The following SLC37A2 variants were observed in gnomAD, a reference collection of about 807,000 sequenced individuals.
The protein encoded by SLC37A2 is solute carrier family 37 member 2, also known as glucose-6-phosphate exchanger SLC37A2.
A neutral mutation model predicts 70.7 loss-of-function variants in SLC37A2; 59 were observed. The ratio of observed to expected loss-of-function variants is 0.83; its 90% CI spans 0.68 to 1.04. The LOEUF is 1.04. Ranked by LOEUF, SLC37A2 falls within the 50% of genes least tolerant of loss-of-function variation. SLC37A2 has a pLI of 0.00. For missense variants in SLC37A2, 580 were observed against 658.1 expected (o/e 0.88, Z 1.30); for synonymous variants, 257 against 262.1 (o/e 0.98, Z 0.19).
chr11:125,085,795 T>C (rs1410306245), intron 16 of SLC37A2, 121 bp downstream of exon 16: 1 of 1,275,452 alleles, frequency 7.8e-7, no homozygotes, highest in Non-Finnish European at 1.1e-6. Flanking sequence ...AGCTGCCCTT[T>C]GCTCAGAAGC....
rs989075499 is a variant in SLC37A2, at chr11:125,089,114, A to G, written c.*980A>G. ...GGTGCCATCTGCTGCTCCCTTTTCC[A>G]CTTTTCTATGTCCTCCTTCCACCCC... On this transcript the variant is annotated 3_prime_UTR_variant, in exon 18 of 18. Transcript: ENST00000403796. 1 of 152,188 alleles carries G rather than the reference A, an allele frequency of 6.6e-6. No homozygotes were observed. The highest frequency in any genetic ancestry group is 1.5e-5 in the Non-Finnish European group (1 of 68,070). 9.4% of individuals were successfully genotyped at this position (152,188 alleles called of 1,614,324 possible). A position where few individuals can be genotyped will look rare whatever the true frequency, so the allele number is the denominator to read the frequency against.
At position 125,088,114 on chromosome 11, in the gene SLC37A2, T is replaced by A. The variant is rs1384442785; in HGVS notation, c.1491-5T>A. 1.3e-6 allele frequency: 2 copies of A among 1,551,732 alleles called. No individual in the cohort carries two copies. The highest frequency in any genetic ancestry group is 2.7e-5 in the African/African-American group (2 of 72,946). On this transcript the variant is annotated splice_polypyrimidine_tract_variant and splice_region_variant and intron_variant, in intron 17 of 17. Coordinates refer to ENST00000403796, the MANE Select transcript of SLC37A2 (RefSeq NM_001145290.2). ...TCTTCTGTCCCCCCTCTCCTCTTCA[T>A]GCAGGTATAAAGAAATATGAGGCCC...
At chr11:125,068,128 T>G (rs761666669) in intron 1 of SLC37A2, among the ~76,000 whole-genome samples, 1 of 152,196 alleles carries the variant, frequency 6.6e-6, no homozygotes, top group East Asian at 1.9e-4. Flanking sequence ...TTCACACTTC[T>G]CAAGGTGTGA....
chr11:125,069,850 T>G (rs1384176982), intron 1 of SLC37A2, among the ~76,000 whole-genome samples: 1 of 152,242 alleles, frequency 6.6e-6, no homozygotes, highest in Non-Finnish European at 1.5e-5. Flanking sequence ...TGTTAGGCCT[T>G]CCTCGTCAGG....
intron 1 of SLC37A2, among the ~76,000 whole-genome samples, chr11:125,065,280 A>G (rs6590123): frequency 0.15 from 22,691 of 152,262 alleles, 1,881 homozygotes; most frequent in Non-Finnish European, 0.17. Context: ...TGATCACAAA[A>G]TAAAGCTGAT....
At chr11:125,084,951 G>A in intron 13 of SLC37A2, 78 bp downstream of exon 13, 1 of 1,599,330 alleles carries the variant, frequency 6.3e-7, no homozygotes, top group Non-Finnish European at 8.6e-7. Context: ...GGCCCACGGG[G>A]GGCACTGACA....
rs916360344 is a variant in SLC37A2 at position 125,067,537 on chromosome 11, C to T, written c.59+4111C>T. On this transcript the variant is annotated intron_variant, in intron 1 of 17. Coordinates refer to ENST00000403796, the MANE Select transcript of SLC37A2 (RefSeq NM_001145290.2). Reference sequence around the variant, plus strand: ...TCTCTTCTGACTTGACAATTATTTCCAAGCAATTGATCAATATTAACATAT... The same window carrying T: ...TCTCTTCTGACTTGACAATTATTTCTAAGCAATTGATCAATATTAACATAT... Among the ~76,000 whole-genome samples, 12 of 152,116 alleles carry T rather than the reference C, an allele frequency of 7.9e-5. No homozygotes were observed. The South Asian group carries it at 1.5e-3, about 18-fold the overall frequency.
At chr11:125,069,541 T>C (rs1016177137) in intron 1 of SLC37A2, among the ~76,000 whole-genome samples, 10 of 152,204 alleles carry the variant, frequency 6.6e-5, no homozygotes, top group Non-Finnish European at 1.5e-4. Context: ...TAGGTGCTTA[T>C]AAATTTCTGT....
intron 8 of SLC37A2, 52 bp downstream of exon 8, chr11:125,081,510 G>C: frequency 1.3e-6 from 2 of 1,569,486 alleles, no homozygotes; most frequent in Non-Finnish European, 8.7e-7. Flanking sequence ...CCATCCAGAG[G>C]GCTGGACCCG....
chr11:125,067,931 G>A (rs1190741539), intron 1 of SLC37A2, among the ~76,000 whole-genome samples: 1 of 152,132 alleles, frequency 6.6e-6, no homozygotes, highest in African/African-American at 2.4e-5. Flanking sequence ...TCTCTGCCAC[G>A]ATTGTTCCTA....
chr11:125,069,405 C>T (rs1363086958), intron 1 of SLC37A2, among the ~76,000 whole-genome samples: 1 of 152,232 alleles, frequency 6.6e-6, no homozygotes, highest in Non-Finnish European at 1.5e-5. Context: ...CTTAACATCT[C>T]CCAGGCTCAA....
At chr11:125,079,065 G>A in intron 4 of SLC37A2, 47 bp from the exon 5 acceptor site, 1 of 1,612,620 alleles carries the variant, frequency 6.2e-7, no homozygotes, top group South Asian at 1.1e-5. Flanking sequence ...GGGAGTTGAG[G>A]TGGACACAGA....
At position 125,085,591 on chromosome 11, in the gene SLC37A2, C is replaced by A. The variant is rs765345931; in HGVS notation, c.1342C>A (p.Pro448Thr). The change falls in exon 16 of 18, where the codon CCT becomes ACT. Residue 448 changes from proline (P) to threonine (T), a missense_variant. Physicochemically the swap from Pro to Thr is conservative, Grantham distance 38. Transcript: ENST00000403796. Reference sequence around the variant, plus strand: ...GCTCCATTCAGGTGCGGCTCTGGGGCCTCTGCTGGCTGGGCTCATCTCCCC... The same window carrying A: ...GCTCCATTCAGGTGCGGCTCTGGGGACTCTGCTGGCTGGGCTCATCTCCCC... ...GTGSIGAALGPLLAGLISPTG... is the reference protein window; with the variant it reads ...GTGSIGAALGTLLAGLISPTG... The A allele has an allele frequency of 6.2e-7, 1 of 1,613,896 alleles. No individual in the cohort carries two copies.
chr11:125,084,100 G>A (rs1591634254), intron 11 of SLC37A2, 134 bp from the exon 12 acceptor site: 1 of 990,660 alleles, frequency 1.0e-6, no homozygotes, highest in East Asian at 2.5e-5. Flanking sequence ...AGGAAGGGGA[G>A]GGCTGTGGAA....
At position 125,063,912 on chromosome 11, in the gene SLC37A2, TC is replaced by T. The variant is rs753321439; in HGVS notation, c.59+487del. On this transcript the variant is annotated intron_variant, in intron 1 of 17. Transcript: ENST00000403796. The surrounding 1 kb of genome is among the most constrained non-coding windows in gnomAD (Gnocchi z 5.4). ...GCCAGAACTCAGTGGTCCTGGGAGC[TC>T]GTCTCGAGGCCTTTCAGCACCTGGA... 6.6e-6 allele frequency among the ~76,000 whole-genome samples: 1 copy of T among 152,092 alleles called. No individual in the cohort carries two copies. Among genetic ancestry groups the T allele is most frequent in the Non-Finnish European group, 1.5e-5 (1 of 68,020 alleles).
At chr11:125,066,287 A>T (rs1211054419) in intron 1 of SLC37A2, among the ~76,000 whole-genome samples, 1 of 152,250 alleles carries the variant, frequency 6.6e-6, no homozygotes, top group Non-Finnish European at 1.5e-5. Flanking sequence ...TTACAGTCCC[A>T]GCTACTCAAG....
At position 125,085,178 on chromosome 11, in the gene SLC37A2, G is replaced by A. The variant is rs756905388; in HGVS notation, c.1248+39G>A. 1.1e-5 allele frequency: 18 copies of A among 1,594,398 alleles called. No homozygotes were observed. In the Admixed American group the frequency reaches 3.0e-4, roughly 27 times the overall value. ...CCTCCCGAGGGCCAGGGACCGTTCT[G>A]GGGGCTTGGTCAGGGCCACCATCTC... is the stretch of plus-strand genomic sequence containing the variant. On this transcript the variant is annotated intron_variant, in intron 14 of 17. Coordinates refer to ENST00000403796, the MANE Select transcript of SLC37A2 (RefSeq NM_001145290.2).
intron 17 of SLC37A2, chr11:125,087,489 C>G (rs144699668): frequency 0.016 from 2,434 of 153,456 alleles, 34 homozygotes; most frequent in South Asian, 0.046. Context: ...ATTCTCTGAA[C>G]CACCACATCT....
chr11:125,076,943 A>G, intron 2 of SLC37A2, 105 bp downstream of exon 2: 1 of 1,073,586 alleles, frequency 9.3e-7, no homozygotes, highest in Middle Eastern at 2.0e-4. Flanking sequence ...GCAGGCTCCC[A>G]CTCTCAGTGG....
Sources: gnomAD v4.1 joint callset for allele counts (sites outside exome capture counted in the v4.1 genomes callset) on GRCh38, gnomAD v4.1.1 for gene constraint, Gnocchi (gnomAD v3.1) non-coding constraint, MANE v1.5 for transcripts, NCBI Gene and HGNC (gene_info 2026-07-23, HGNC 2026-07-21) for gene names.